GNG2: variants seen among roughly 807,000 people sequenced by gnomAD.
GNG2 encodes the protein guanine nucleotide-binding protein G(I)/G(S)/G(O) subunit gamma-2.
Under a neutral mutation model 5.5 loss-of-function variants are expected in GNG2, and 5 were observed. The ratio of observed to expected loss-of-function variants is 0.91; its 90% CI spans 0.48 to 1.92. The LOEUF is 1.92. Among genes scored for constraint, GNG2 ranks in the 30% most tolerant of loss-of-function variants. The pLI is 0.01. For synonymous variants in GNG2, 28 were observed against 32.0 expected (o/e 0.88, Z 0.42); for missense variants, 55 against 88.4 (o/e 0.62, Z 1.52).
At chr14:51,890,384 A>G (rs957481416) in intron 2 of GNG2, among the ~76,000 whole-genome samples, 1 of 152,218 alleles carries the variant, frequency 6.6e-6, no homozygotes, top group Non-Finnish European at 1.5e-5. Flanking sequence ...TTTTGGTGTC[A>G]TTTAGTTTAA....
At chr14:51,925,424 T>C (rs1248205785) in intron 2 of GNG2, among the ~76,000 whole-genome samples, 1 of 152,202 alleles carries the variant, frequency 6.6e-6, no homozygotes, top group East Asian at 1.9e-4. Flanking sequence ...TAGACCTGAA[T>C]AGATTCTGGG....
intron 2 of GNG2, chr14:51,916,636 T>C (rs1372960533): frequency 7.8e-6 from 3 of 386,808 alleles, no homozygotes; most frequent in African/African-American, 6.3e-5. Context: ...AAGAGCCAGG[T>C]GCTGGGAGGC....
intron 2 of GNG2, among the ~76,000 whole-genome samples, chr14:51,843,872 A>C (rs370682750): frequency 6.6e-5 from 10 of 152,320 alleles, no homozygotes; most frequent in African/African-American, 2.4e-4. Context: ...TCACAGAATA[A>C]GCCATGCTCT....
intron 1 of GNG2, 106 bp downstream of exon 1, chr14:51,860,896 G>A (rs898347193): frequency 1.3e-5 from 2 of 152,230 alleles, no homozygotes; most frequent in African/African-American, 4.8e-5. Context: ...ATCGCTTCAG[G>A]ACTAGGGGAA....
chr14:51,844,791 T>A (rs1881578132), intron 2 of GNG2, among the ~76,000 whole-genome samples: 1 of 152,052 alleles, frequency 6.6e-6, no homozygotes, highest in Non-Finnish European at 1.5e-5. Flanking sequence ...AATGGCATGA[T>A]CTTGGCTCAC....
chr14:51,914,021 C>A, intron 2 of GNG2: 1 of 505,616 alleles, frequency 2.0e-6, no homozygotes, highest in Non-Finnish European at 3.5e-6. Context: ...TAAGAATTTC[C>A]ATGTGTGCTT....
At chr14:51,928,371 A>G (rs1353912611) in intron 2 of GNG2, among the ~76,000 whole-genome samples, 2 of 152,124 alleles carry the variant, frequency 1.3e-5, no homozygotes, top group African/African-American at 4.8e-5. Context: ...TTAAGGTGAT[A>G]TATTTTCTTC....
intron 2 of GNG2, among the ~76,000 whole-genome samples, chr14:51,941,260 G>A (rs1029872611): frequency 6.6e-6 from 1 of 152,146 alleles, no homozygotes; most frequent in Non-Finnish European, 1.5e-5. Flanking sequence ...CAAAAGCTCT[G>A]ACAAATTCTA....
chr14:51,839,846 G>A (rs1881436053), intron 2 of GNG2, among the ~76,000 whole-genome samples: 1 of 152,076 alleles, frequency 6.6e-6, no homozygotes, highest in African/African-American at 2.4e-5. Context: ...TTTACTTTTA[G>A]TCATTCAATA....
At chr14:51,867,881 T>C (rs550641499) in intron 1 of GNG2, among the ~76,000 whole-genome samples, 1 of 152,330 alleles carries the variant, frequency 6.6e-6, no homozygotes, top group Admixed American at 6.5e-5. Flanking sequence ...TTCTAGTGTG[T>C]ATAACAGCAA....
chr14:51,846,490 C>T (rs1457048774), intron 2 of GNG2, among the ~76,000 whole-genome samples: 1 of 152,078 alleles, frequency 6.6e-6, no homozygotes, highest in Non-Finnish European at 1.5e-5. Flanking sequence ...AACCTCAACC[C>T]CATATTAAAT....
At chr14:51,962,310 G>T (rs1889662704) in intron 3 of GNG2, among the ~76,000 whole-genome samples, 1 of 152,132 alleles carries the variant, frequency 6.6e-6, no homozygotes. Context: ...CAATCATAAG[G>T]TGGATGAACA....
chr14:51,942,589 C>CTTTCTTTCTTTTTTTTTT (rs761049973), intron 2 of GNG2, among the ~76,000 whole-genome samples: 4 of 81,146 alleles, frequency 4.9e-5, no homozygotes, highest in African/African-American at 2.4e-4. Flanking sequence ...TTCTTTCTTT[C>CTTTCTTTCTTTTTTTTTT]TTTTTTTTTT....
intron 1 of GNG2, among the ~76,000 whole-genome samples, chr14:51,875,095 G>T (rs1319922854): frequency 1.3e-5 from 2 of 152,188 alleles, no homozygotes; most frequent in African/African-American, 4.8e-5. Context: ...TTTCACAGTG[G>T]CTAACATAAG....
chr14:51,883,232 T>G (rs1884223122), intron 2 of GNG2, among the ~76,000 whole-genome samples: 1 of 152,212 alleles, frequency 6.6e-6, no homozygotes, highest in African/African-American at 2.4e-5. Context: ...ACTTTAGGAC[T>G]TTAAATTTCT....
intron 2 of GNG2, among the ~76,000 whole-genome samples, chr14:51,928,768 G>C (rs1887488075): frequency 6.6e-6 from 1 of 152,128 alleles, no homozygotes; most frequent in East Asian, 1.9e-4. Context: ...TATGACTAAT[G>C]CCTGGTATTC....
intron 1 of GNG2, 162 bp from the exon 2 acceptor site, chr14:51,877,455 G>A (rs1883751325): frequency 4.0e-6 from 1 of 247,638 alleles, no homozygotes; most frequent in Non-Finnish European, 8.4e-6. Context: ...TCATTTCTAG[G>A]CTCTGAAATG....
At chr14:51,892,860 G>A (rs988296193) in intron 2 of GNG2, among the ~76,000 whole-genome samples, 1 of 152,204 alleles carries the variant, frequency 6.6e-6, no homozygotes, top group African/African-American at 2.4e-5. Flanking sequence ...ATCAGCAACT[G>A]CATACAGTTC....
rs912298984 is a variant in GNG2 at position 51,966,011 on chromosome 14, C to G, written c.88-548C>G. Among the ~76,000 whole-genome samples the G allele has an allele frequency of 4.6e-5, 7 of 151,828 alleles. No homozygotes were observed. In the East Asian group the frequency reaches 7.8e-4, roughly 17 times the overall value. ...ATCACTTGAGTCCAGGAGTTCAAGACCAGCCTGGCCAACGTGGTGAAACCC... is the reference window on the plus strand; with the variant it reads ...ATCACTTGAGTCCAGGAGTTCAAGAGCAGCCTGGCCAACGTGGTGAAACCC... On this transcript the variant is annotated intron_variant, in intron 3 of 3. Coordinates refer to ENST00000556766, the MANE Select transcript of GNG2 (RefSeq NM_053064.5).
Sources: gnomAD v4.1 joint callset for allele counts (sites outside exome capture counted in the v4.1 genomes callset) on GRCh38, gnomAD v4.1.1 for gene constraint, MANE v1.5 for transcripts, NCBI Gene and HGNC (gene_info 2026-07-23, HGNC 2026-07-21) for gene names.